Variants in ASCC2 observed in about 807,000 individuals in gnomAD.
The protein encoded by ASCC2 is ASC-1 complex subunit P100.
Under a neutral mutation model 93.5 loss-of-function variants are expected in ASCC2, and 42 were observed. That is an observed-to-expected ratio of 0.45 (90% CI 0.35 to 0.58). The LOEUF is 0.58. Among genes scored for constraint, ASCC2 ranks in the 20% least tolerant of loss-of-function variants. The probability of loss-of-function intolerance (pLI) is 0.00; values close to 1 mark genes in which losing one functional copy is unlikely to be tolerated. For missense variants in ASCC2, 859 were observed against 977.6 expected, an observed-to-expected ratio of 0.88 and a Z score of 1.62; for synonymous variants, 364 against 384.2, an observed-to-expected ratio of 0.95 and a Z score of 0.62.
At position 29,789,254 on chromosome 22, in the gene ASCC2, C is replaced by T. The variant is rs2068565957; in HGVS notation, c.2103-70G>A. 5.7e-6 allele frequency: 9 copies of T among 1,582,426 alleles called. No individual in the cohort carries two copies. In the South Asian group the frequency reaches 7.8e-5, roughly 14 times the overall value. On this transcript the variant is annotated intron_variant, in intron 19 of 19. Transcript: ENST00000307790. ...GAGGCTCTGGCGGGAGAGCCCACAG[C>T]CTGCCTTGGTGTTCACTGGGAGAGG...
intron 13 of ASCC2, among the ~76,000 whole-genome samples, chr22:29,802,528 C>T: frequency 6.6e-6 from 1 of 151,934 alleles, no homozygotes. Context: ...AGGCCGGGTA[C>T]AGTGGCTCAT....
chr22:29,823,645 C>T (rs953650793), intron 4 of ASCC2, among the ~76,000 whole-genome samples: 3 of 152,036 alleles, frequency 2.0e-5, no homozygotes, highest in Non-Finnish European at 4.4e-5. Flanking sequence ...GTCAGGAGTT[C>T]GGGATCAGCC....
At chr22:29,823,003 A>T (rs2061779455) in intron 4 of ASCC2, among the ~76,000 whole-genome samples, 1 of 151,332 alleles carries the variant, frequency 6.6e-6, no homozygotes, top group Admixed American at 6.6e-5. Flanking sequence ...TACAGGTGTA[A>T]GCCACAGTGC....
In ASCC2 at chr22:29,822,367, T is replaced by G. The variant is rs749859071; in HGVS notation, c.509A>C (p.Lys170Thr). 1 of 1,614,068 alleles carries G rather than the reference T, an allele frequency of 6.2e-7. No homozygotes were observed. Among genetic ancestry groups the G allele is most frequent in the Non-Finnish European group, 8.5e-7 (1 of 1,179,986 alleles). Residue 170 changes from lysine to threonine, a missense_variant, in exon 5 of 20, where the codon AAA (lysine) becomes ACA (threonine). By Grantham distance (78) the Lys-to-Thr change is moderately conservative. Transcript: ENST00000307790. ...CTTCTGGAGCAGTGGTGAGTTGCCTTTTCCAAAGAGCACGCAGAGGTCCAG... is the reference window on the plus strand; with the variant it reads ...CTTCTGGAGCAGTGGTGAGTTGCCTGTTCCAAAGAGCACGCAGAGGTCCAG... ...KILDLCVLFG[K>T]GNSPLLQKMI... is the part of the protein sequence containing the mutation.
chr22:29,808,558 T>C (rs867906534), intron 8 of ASCC2, among the ~76,000 whole-genome samples: 2 of 152,152 alleles, frequency 1.3e-5, no homozygotes, highest in South Asian at 2.1e-4. Flanking sequence ...CAGTGGCTCA[T>C]GCCTGTAATC....
At chr22:29,791,713 C>T (rs9614055) in intron 18 of ASCC2, among the ~76,000 whole-genome samples, 61,832 of 151,994 alleles carry the variant, frequency 0.41, 13,190 homozygotes, top group East Asian at 0.59. Context: ...AAAACACACA[C>T]ACACACACAA....
chr22:29,795,558 C>T (rs1209187758), intron 15 of ASCC2, among the ~76,000 whole-genome samples: 2 of 152,202 alleles, frequency 1.3e-5, no homozygotes, highest in East Asian at 3.8e-4. Flanking sequence ...CTTCCTATCA[C>T]CCCCACCTCA....
chr22:29,792,666 C>T, intron 17 of ASCC2, 131 bp from the exon 18 acceptor site: 2 of 1,271,806 alleles, frequency 1.6e-6, no homozygotes, highest in Admixed American at 2.2e-5. Context: ...AACCAAAAGC[C>T]TTTCAAGCCA....
At chr22:29,813,380 T>C (rs36577) in intron 8 of ASCC2, 50 bp downstream of exon 8, 99,210 of 1,250,054 alleles carry the variant, frequency 0.079, 4,865 homozygotes, top group African/African-American at 0.16. Flanking sequence ...TTTGTTAAAT[T>C]AGTACATAAG....
chr22:29,801,408 C>A (rs1358113507), intron 14 of ASCC2, among the ~76,000 whole-genome samples: 2 of 147,644 alleles, frequency 1.4e-5, no homozygotes, highest in Admixed American at 6.7e-5. Context: ...GTAATAGTCG[C>A]ATAAGATCAG....
At chr22:29,836,549 G>A (rs902968417) in intron 1 of ASCC2, 7 of 151,896 alleles carry the variant, frequency 4.6e-5, no homozygotes, top group Non-Finnish European at 1.0e-4. Flanking sequence ...CAAACAGTAC[G>A]TTAATCATTT....
intron 15 of ASCC2, among the ~76,000 whole-genome samples, chr22:29,795,890 A>AAT (rs2147471816): frequency 6.6e-6 from 1 of 152,286 alleles, no homozygotes; most frequent in African/African-American, 2.4e-5. Flanking sequence ...TTAGCTGTGA[A>AAT]ATCGGGTCTC....
At chr22:29,832,142 C>A in intron 2 of ASCC2, 103 bp downstream of exon 2, 1 of 978,168 alleles carries the variant, frequency 1.0e-6, no homozygotes, top group East Asian at 2.6e-5. Context: ...CGACCATGGC[C>A]CTCGTGTCAT....
intron 1 of ASCC2, chr22:29,834,349 G>A (rs939670471): frequency 5.3e-6 from 2 of 373,890 alleles, no homozygotes; most frequent in African/African-American, 4.3e-5. Flanking sequence ...CCCAGGCAGA[G>A]GAAACAGCAG....
At chr22:29,802,993 T>A (rs2059268000) in intron 13 of ASCC2, among the ~76,000 whole-genome samples, 1 of 151,772 alleles carries the variant, frequency 6.6e-6, no homozygotes, top group Non-Finnish European at 1.5e-5. Context: ...ATGCCTATAA[T>A]CCCAGCACTT....
chr22:29,789,287 C>T, intron 19 of ASCC2, 103 bp from the exon 20 acceptor site: 1 of 1,383,508 alleles, frequency 7.2e-7, no homozygotes, highest in Non-Finnish European at 1.0e-6. Flanking sequence ...AGGACACAGA[C>T]TGGGCCTGGT....
rs376973478 is a variant in ASCC2, at chr22:29,825,808, G to A, written c.82-28C>T. On this transcript the variant is annotated intron_variant, in intron 2 of 19. Coordinates refer to ENST00000307790, the MANE Select transcript of ASCC2 (RefSeq NM_032204.5). This position sits in a 1 kb window ranked among gnomAD's most constrained non-coding sequence, Gnocchi z 4.9. ...ACGGATCCAAAAACCACGTGTTAAC[G>A]TGGCAGAGGTTAGTCAGCGAGGGCC... The A allele has an allele frequency of 3.5e-5, 55 of 1,585,756 alleles. No homozygotes were observed. The highest frequency in any genetic ancestry group is 4.1e-5 in the Non-Finnish European group (48 of 1,162,866).
chr22:29,832,478 C>T, intron 1 of ASCC2, 136 bp from the exon 2 acceptor site: 1 of 655,686 alleles, frequency 1.5e-6, no homozygotes, highest in Admixed American at 3.1e-5. Context: ...TGGTTCAGGA[C>T]CTGGTTCATG....
intron 5 of ASCC2, among the ~76,000 whole-genome samples, chr22:29,820,110 T>A (rs376655478): frequency 6.6e-6 from 1 of 152,134 alleles, no homozygotes; most frequent in African/African-American, 2.4e-5. Context: ...AATAATTAGA[T>A]ATGAATGAGA....
Sources: allele counts gnomAD v4.1 joint callset (sites outside exome capture counted in the v4.1 genomes callset), GRCh38; gene constraint gnomAD v4.1.1; non-coding constraint Gnocchi (gnomAD v3.1); transcripts MANE v1.5; gene names NCBI Gene and HGNC (gene_info 2026-07-23, HGNC 2026-07-21).